Variants in BRINP3 observed in about 807,000 individuals in gnomAD.
The protein encoded by BRINP3 is BMP/retinoic acid-inducible neural-specific protein 3.
A neutral mutation model predicts 71.0 loss-of-function variants in BRINP3; 19 were observed. The ratio of observed to expected loss-of-function variants is 0.27; its 90% CI spans 0.19 to 0.39. BRINP3 has a LOEUF of 0.39. BRINP3 is among the 10% of genes least tolerant of loss of function. The probability of loss-of-function intolerance (pLI) is 1.00; values close to 1 mark genes in which losing one functional copy is unlikely to be tolerated. For synonymous variants in BRINP3, 380 were observed against 337.7 expected (o/e 1.13, Z -1.37); for missense variants, 959 against 940.8 (o/e 1.02, Z -0.25).
At chr1:190,457,838 G>A (rs1257372500) in intron 1 of BRINP3, among the ~76,000 whole-genome samples, 2 of 151,638 alleles carry the variant, frequency 1.3e-5, no homozygotes, top group African/African-American at 2.4e-5. Flanking sequence ...TTTTCAATAG[G>A]TGAATTACCC....
At chr1:190,400,722 G>C (rs894211562) in intron 2 of BRINP3, among the ~76,000 whole-genome samples, 2 of 151,984 alleles carry the variant, frequency 1.3e-5, no homozygotes, top group African/African-American at 4.8e-5. Flanking sequence ...ACTCTATCCA[G>C]GGAACCCTAA....
intron 6 of BRINP3, among the ~76,000 whole-genome samples, chr1:190,164,300 G>A (rs1651284453): frequency 6.6e-6 from 1 of 151,960 alleles, no homozygotes; most frequent in Admixed American, 6.6e-5. Context: ...TTTACTTCCT[G>A]AATTATGTAA....
intron 2 of BRINP3, among the ~76,000 whole-genome samples, chr1:190,328,525 A>G (rs1168931728): frequency 1.3e-5 from 2 of 152,056 alleles, no homozygotes; most frequent in African/African-American, 4.8e-5. Flanking sequence ...TATCTAGTTC[A>G]GAAATTGAAT....
intron 2 of BRINP3, among the ~76,000 whole-genome samples, chr1:190,313,137 C>T (rs1571718568): frequency 6.6e-6 from 1 of 151,670 alleles, no homozygotes; most frequent in Admixed American, 6.6e-5. Flanking sequence ...ATTGAATGGA[C>T]CTATTTCAGA....
At chr1:190,330,682 C>T (rs1012573551) in intron 2 of BRINP3, among the ~76,000 whole-genome samples, 1 of 152,028 alleles carries the variant, frequency 6.6e-6, no homozygotes, top group African/African-American at 2.4e-5. Context: ...CATGCACTCA[C>T]ATGTTCATTG....
Position 190,207,920 on chromosome 1 carries a change from C to T in BRINP3, c.961+18162G>A, listed in dbSNP as rs151038336. Among the ~76,000 whole-genome samples, 70 of 152,078 alleles carry T rather than the reference C, an allele frequency of 4.6e-4. No individual in the cohort carries two copies. In the East Asian group the frequency reaches 6.6e-3, roughly 14 times the overall value. On this transcript the variant is annotated intron_variant, in intron 6 of 7. Coordinates refer to ENST00000367462, the MANE Select transcript of BRINP3 (RefSeq NM_199051.3). ...AAGGCATCTTGTATAGAGTTGAACT[C>T]GCTCTAGGTAAAATGTGTAATACAT... is the stretch of plus-strand genomic sequence containing the variant.
intron 6 of BRINP3, among the ~76,000 whole-genome samples, chr1:190,169,139 G>C (rs2102489954): frequency 6.6e-6 from 1 of 152,186 alleles, no homozygotes; most frequent in South Asian, 2.1e-4. Context: ...CTAGCTTCTG[G>C]CCTATACCTT....
At chr1:190,209,331 C>T (rs933358466) in intron 6 of BRINP3, among the ~76,000 whole-genome samples, 6 of 152,122 alleles carry the variant, frequency 3.9e-5, no homozygotes, top group Non-Finnish European at 8.8e-5. Context: ...TTTCCTTTGT[C>T]CTATCTCAGT....
At chr1:190,222,979 T>C (rs1290294810) in intron 6 of BRINP3, among the ~76,000 whole-genome samples, 1 of 147,702 alleles carries the variant, frequency 6.8e-6, no homozygotes, top group African/African-American at 2.5e-5. Context: ...AATGAAGAAA[T>C]AAAAAAAAAA....
chr1:190,196,528 G>A (rs895981246), intron 6 of BRINP3, among the ~76,000 whole-genome samples: 1 of 152,098 alleles, frequency 6.6e-6, no homozygotes, highest in African/African-American at 2.4e-5. Flanking sequence ...AAATCCAAGA[G>A]AGAAGCACAT....
chr1:190,410,519 C>A (rs1171144), intron 2 of BRINP3, among the ~76,000 whole-genome samples: 84,043 of 151,694 alleles, frequency 0.55, 24,090 homozygotes, highest in Middle Eastern at 0.64. Flanking sequence ...AGTGTATAGA[C>A]ACAACGAGGT....
At chr1:190,383,311 A>G (rs1044354707) in intron 2 of BRINP3, among the ~76,000 whole-genome samples, 51 of 152,130 alleles carry the variant, frequency 3.4e-4, no homozygotes, top group African/African-American at 1.2e-3. Context: ...TTAGGTTGCA[A>G]TATTATGGCA....
At chr1:190,376,375 T>A (rs527869042) in intron 2 of BRINP3, among the ~76,000 whole-genome samples, 39 of 152,206 alleles carry the variant, frequency 2.6e-4, no homozygotes, top group African/African-American at 9.1e-4. Context: ...CAGATTTTGA[T>A]GCAGGCATAA....
chr1:190,470,037 T>C (rs927688571), intron 1 of BRINP3, among the ~76,000 whole-genome samples: 8 of 151,048 alleles, frequency 5.3e-5, no homozygotes, highest in African/African-American at 1.9e-4. Flanking sequence ...TAAAATAACA[T>C]TGTAGTTATA....
intron 2 of BRINP3, among the ~76,000 whole-genome samples, chr1:190,312,502 A>C (rs1665605558): frequency 6.6e-6 from 1 of 151,674 alleles, no homozygotes. Flanking sequence ...CCAAGAGTTC[A>C]GAGTACCTCA....
In BRINP3 at chr1:190,226,113, C is replaced by A. The variant is rs769652831; in HGVS notation, c.930G>T (p.Trp310Cys). Residue 310 changes from tryptophan to cysteine, a missense_variant, in exon 6 of 8, where the codon TGG becomes TGT. Physicochemically the swap from Trp to Cys is radical, Grantham distance 215. Transcript: ENST00000367462. ...CCTCAAAGTCACTGTTGTAAGCTTT[C>A]CAGGTTTCAGTTATTCGAAGAAGAT... ...EENLLRITET[W>C]KAYNSDFEES... The A allele has an allele frequency of 6.2e-7, 1 of 1,606,864 alleles. No individual in the cohort carries two copies. The highest frequency in any genetic ancestry group is 2.2e-5 in the East Asian group (1 of 44,506).
intron 6 of BRINP3, among the ~76,000 whole-genome samples, chr1:190,191,164 T>C (rs1394356884): frequency 6.6e-6 from 1 of 152,126 alleles, no homozygotes; most frequent in Non-Finnish European, 1.5e-5. Context: ...TAGTTTTCTA[T>C]AACAATGATT....
At chr1:190,284,740 T>C (rs951540697) in intron 2 of BRINP3, among the ~76,000 whole-genome samples, 2 of 152,070 alleles carry the variant, frequency 1.3e-5, no homozygotes, top group African/African-American at 4.8e-5. Flanking sequence ...ACACCCCATC[T>C]ATTAATCTAT....
At chr1:190,364,658 A>G (rs982893537) in intron 2 of BRINP3, among the ~76,000 whole-genome samples, 3 of 152,024 alleles carry the variant, frequency 2.0e-5, no homozygotes, top group Non-Finnish European at 4.4e-5. Flanking sequence ...AATCTAACAA[A>G]TTGCTCTTCC....
Sources: gnomAD v4.1 joint callset for allele counts (sites outside exome capture counted in the v4.1 genomes callset) on GRCh38, gnomAD v4.1.1 for gene constraint, MANE v1.5 for transcripts, NCBI Gene and HGNC (gene_info 2026-07-23, HGNC 2026-07-21) for gene names.